The following PASK variants were observed in gnomAD, a reference collection of about 807,000 sequenced individuals.
PASK encodes the protein PAS domain containing serine/threonine kinase, also known as PAS domain-containing serine/threonine-protein kinase.
A neutral mutation model predicts 121.0 loss-of-function variants in PASK; 110 were observed. The ratio of observed to expected loss-of-function variants is 0.91; its 90% confidence interval spans 0.78 to 1.06. PASK has a LOEUF of 1.06. PASK is among the 50% of genes least tolerant of loss of function. The pLI, the probability that PASK is intolerant of heterozygous loss-of-function variation, is 0.00. For synonymous variants in PASK, 686 were observed against 717.8 expected, an observed-to-expected ratio of 0.96 and a Z score of 0.71; for missense variants, 1,643 against 1,702.3, an observed-to-expected ratio of 0.97 and a Z score of 0.61.
chr2:241,123,337 G>A (rs557624120), intron 11 of PASK, among the ~76,000 whole-genome samples: 7 of 151,972 alleles, frequency 4.6e-5, no homozygotes, highest in Admixed American at 1.3e-4. Context: ...CACTATGCCC[G>A]GCTAAATTTT....
chr2:241,150,316 G>A (rs749087303), upstream of PASK: 1 of 1,331,254 alleles, frequency 7.5e-7, no homozygotes, highest in South Asian at 2.2e-5. Flanking sequence ...TCTGGGGGAG[G>A]CGCGGCGCGC....
In PASK at chr2:241,112,735, C is replaced by G; in HGVS notation, c.3334-296G>C. The G allele has an allele frequency of 2.6e-6, 1 of 378,492 alleles. No homozygotes were observed. The allele number at this position is 378,492 out of a possible 1,614,324, so 23.4% of individuals were successfully genotyped here. A position where few individuals can be genotyped will look rare whatever the true frequency, so the allele number is the denominator to read the frequency against. On this transcript the variant is annotated intron_variant, in intron 14 of 17. Coordinates refer to ENST00000234040, the MANE Select transcript of PASK (RefSeq NM_015148.4). The surrounding 1 kb of genome is among the most constrained non-coding windows in gnomAD (Gnocchi z 5.2). ...AAAAGCTTCCCAGCAGACACTCGCC[C>G]CCACCAACGCACACCATGCCTATTT...
intron 1 of PASK, among the ~76,000 whole-genome samples, chr2:241,147,861 C>T (rs2067033404): frequency 6.6e-6 from 1 of 152,050 alleles, no homozygotes; most frequent in South Asian, 2.1e-4. Context: ...CTGATGGGAC[C>T]CTCTGCGGGA....
In PASK at chr2:241,124,068, C is replaced by T; in HGVS notation, c.2785G>A (p.Val929Met). 6.2e-7 allele frequency: 1 copy of T among 1,613,720 alleles called. No individual in the cohort carries two copies. The highest frequency in any genetic ancestry group is 1.1e-5 in the South Asian group (1 of 91,070). Reference protein sequence around the residue: ...GPTPLFCCWLVKDLLHSQRDS... With the variant: ...GPTPLFCCWLMKDLLHSQRDS... ...CGTTGGCTGTGGAGGAGGTCTTTCA[C>T]CAGCCAGCAGCAGAACAGAGGTGTG... The change falls in exon 11 of 18, where the codon GTG becomes ATG. Residue 929 changes from valine (V) to methionine (M), a missense_variant. Physicochemically the swap from Val to Met is conservative, Grantham distance 21 (BLOSUM62 1). This residue lies in a region of PASK where 453 missense variants were observed against 511.2 expected (regional missense o/e 0.89). Transcript: ENST00000234040.
chr2:241,109,257 A>G (rs2065009013), intron 15 of PASK: 1 of 152,438 alleles, frequency 6.6e-6, no homozygotes, highest in African/African-American at 2.4e-5. Context: ...CTAGCAAGAT[A>G]AATATGACTT....
rs190200037 is a variant in PASK at position 241,116,300 on chromosome 2, C to A, written c.3073-887G>T. 2.6e-4 allele frequency among the ~76,000 whole-genome samples: 40 copies of A among 152,338 alleles called. 1 individual carries two copies. Among genetic ancestry groups the A allele is most frequent in the Admixed American group, 2.1e-3 (32 of 15,310 alleles). On this transcript the variant is annotated intron_variant, in intron 12 of 17. Coordinates refer to ENST00000234040, the MANE Select transcript of PASK (RefSeq NM_015148.4). ...AACAAAGTGATAAACGCCTGCAGCACAAGGAAGCACAGAAGGGGGTCAGCA... is the reference window on the plus strand; with the variant it reads ...AACAAAGTGATAAACGCCTGCAGCAAAAGGAAGCACAGAAGGGGGTCAGCA...
chr2:241,123,332 T>G lies in PASK; in HGVS notation c.2905-433A>C, dbSNP rs536049663. 1.5e-3 allele frequency among the ~76,000 whole-genome samples: 222 copies of G among 152,068 alleles called. 1 individual carries two copies. Among genetic ancestry groups the G allele is most frequent in the Non-Finnish European group, 2.5e-3 (168 of 67,950 alleles). ...CTGGGACTACAGGCGCCCACCACTA[T>G]GCCCGGCTAAATTTTTGTATTTTTT... On this transcript the variant is annotated intron_variant, in intron 11 of 17. Coordinates refer to ENST00000234040, the MANE Select transcript of PASK (RefSeq NM_015148.4).
chr2:241,126,321 G>C lies in PASK; in HGVS notation c.2594C>G (p.Pro865Arg). 3 of 1,614,214 alleles carry C rather than the reference G, an allele frequency of 1.9e-6. No homozygotes were observed. The highest frequency in any genetic ancestry group is 2.5e-6 in the Non-Finnish European group (3 of 1,180,040). Residue 865 changes from proline (P) to arginine (R), a missense_variant, in exon 10 of 18, where the codon CCA (proline) becomes CGA (arginine). Physicochemically the swap from Pro to Arg is moderately radical, Grantham distance 103. This residue lies in a region of PASK where 1,176 missense variants were observed against 1,162.2 expected (regional missense o/e 1.01). Transcript: ENST00000234040. The part of the protein sequence containing the change: ...PEDTCPSAEE[P>R]RLNVQVTSTP... ...GGAGGTGACCTGGACGTTCAGCCTT[G>C]GCTCCTCTGCTGATGGGCACGTGTC...
intron 10 of PASK, among the ~76,000 whole-genome samples, chr2:241,124,377 G>C (rs1575273806): frequency 6.6e-6 from 1 of 152,196 alleles, no homozygotes; most frequent in African/African-American, 2.4e-5. Flanking sequence ...CTGCAGGCCT[G>C]CAACAACCAC....
rs368737603 is a variant in PASK at position 241,112,207 on chromosome 2, C to A, written c.3533+33G>T. ...ACCCTCAGGGTCCTGACAGAGGACACGAGGACGGGCCGCACCGCAGCCGCA... is the reference window on the plus strand; with the variant it reads ...ACCCTCAGGGTCCTGACAGAGGACAAGAGGACGGGCCGCACCGCAGCCGCA... On this transcript the variant is annotated intron_variant, in intron 15 of 17. Coordinates refer to ENST00000234040, the MANE Select transcript of PASK (RefSeq NM_015148.4). The surrounding 1 kb of genome is among the most constrained non-coding windows in gnomAD (Gnocchi z 5.2). 2 of 1,555,958 alleles carry A rather than the reference C, an allele frequency of 1.3e-6. No homozygotes were observed. The highest frequency in any genetic ancestry group is 1.8e-6 in the Non-Finnish European group (2 of 1,127,424).
intron 15 of PASK, chr2:241,109,174 A>G (rs920768629): frequency 1.3e-5 from 2 of 153,108 alleles, no homozygotes; most frequent in Admixed American, 1.3e-4. Context: ...CCATGCTACC[A>G]TCTATTGGGT....
chr2:241,124,763 G>A (rs1038046915), intron 10 of PASK, among the ~76,000 whole-genome samples: 5 of 152,004 alleles, frequency 3.3e-5, no homozygotes, highest in African/African-American at 1.2e-4. Context: ...CAAATAACAC[G>A]TATTATTTAC....
At chr2:241,117,113 G>A (rs1381144890) in intron 12 of PASK, among the ~76,000 whole-genome samples, 5 of 142,394 alleles carry the variant, frequency 3.5e-5, no homozygotes, top group East Asian at 1.9e-4. Flanking sequence ...AGTGGGCATC[G>A]GGAGGGCATC....
At chr2:241,127,538 T>A in intron 9 of PASK, 87 bp from the exon 10 acceptor site, 2 of 1,119,798 alleles carry the variant, frequency 1.8e-6, no homozygotes, top group Non-Finnish European at 2.7e-6. Context: ...TAGAACTAAG[T>A]ACAAAGCATT....
Position 241,107,445 on chromosome 2 carries a change from G to A in PASK, c.3722C>T (p.Thr1241Ile), listed in dbSNP as rs557157102. Residue 1241 changes from threonine to isoleucine, a missense_variant, in exon 17 of 18, where the codon ACC (threonine) becomes ATC (isoleucine). Thr to Ile is a moderately conservative substitution (Grantham distance 89). This residue lies in a region of PASK where 453 missense variants were observed against 511.2 expected (regional missense o/e 0.89). Coordinates refer to ENST00000234040, the MANE Select transcript of PASK (RefSeq NM_015148.4). ...LLQPVPERRT[T>I]LEKLVTDPWV... The stretch of plus-strand genomic sequence containing the variant: ...CGGGTCTGTCACCAGCTTCTCCAAG[G>A]TGGTGCGTCTCTCAGGGACTGGCTG... 2 of 1,612,816 alleles carry A rather than the reference G, an allele frequency of 1.2e-6. No homozygotes were observed. Among genetic ancestry groups the A allele is most frequent in the African/African-American group, 1.3e-5 (1 of 75,012 alleles).
intron 2 of PASK, among the ~76,000 whole-genome samples, chr2:241,142,367 T>C (rs1409806338): frequency 6.6e-6 from 1 of 152,160 alleles, no homozygotes; most frequent in African/African-American, 2.4e-5. Context: ...GCCCAGTCCT[T>C]TGGGGTGCCT....
chr2:241,139,505 A>G (rs1231096751), intron 4 of PASK: 2 of 486,884 alleles, frequency 4.1e-6, no homozygotes, highest in Non-Finnish European at 8.4e-6. Context: ...CGCTCCCACA[A>G]ACACCAAACA....
Position 241,138,002 on chromosome 2 carries a change from T to C in PASK, c.827A>G (p.Asp276Gly). 6.2e-7 allele frequency: 1 copy of C among 1,614,188 alleles called. No homozygotes were observed. Among genetic ancestry groups the C allele is most frequent in the East Asian group, 2.2e-5 (1 of 44,880 alleles). ...AGGGAGCTGCACAGAAGGGATCAGG[T>C]CTGTGATATGCTGCCCAGCCACGTC... The part of the protein sequence containing the change: ...GEDVAGQHIT[D>G]LIPSVQLPPS... The change falls in exon 6 of 18, where the codon GAC becomes GGC. Residue 276 changes from aspartate to glycine, a missense_variant. Asp to Gly is a moderately conservative substitution (Grantham distance 94). Transcript: ENST00000234040.
At position 241,137,216 on chromosome 2, in the gene PASK, A is replaced by G; in HGVS notation, c.925T>C (p.Phe309Leu). The G allele has an allele frequency of 6.2e-7, 1 of 1,605,364 alleles. No homozygotes were observed. Among genetic ancestry groups the G allele is most frequent in the Admixed American group, 1.7e-5 (1 of 60,034 alleles). ...SVGRARDGTTFPLSLKLKSQP... is the reference protein window; with the variant it reads ...SVGRARDGTTLPLSLKLKSQP... ...GATTTCAGCTTTAAGCTCAGAGGGA[A>G]GGTGGTACCGTCCCTGGCTCTTCCA... The change falls in exon 7 of 18, where the codon TTC becomes CTC. Residue 309 changes from phenylalanine (F) to leucine (L), a missense_variant. By Grantham distance (22) the Phe-to-Leu change is conservative (BLOSUM62 0). Around this residue, in one of 3 missense-constraint regions of PASK, gnomAD observed 1,176 missense variants for 1,162.2 expected, o/e 1.01. Transcript: ENST00000234040.
Sources: allele counts gnomAD v4.1 joint callset (sites outside exome capture counted in the v4.1 genomes callset), GRCh38; gene constraint gnomAD v4.1.1; regional missense constraint gnomAD v4.1.1; non-coding constraint Gnocchi (gnomAD v3.1); transcripts MANE v1.5; gene names NCBI Gene and HGNC (gene_info 2026-07-23, HGNC 2026-07-21).